The following SYT17 variants were observed in gnomAD, a reference collection of about 807,000 sequenced individuals.
SYT17 encodes synaptotagmin 17, also known as synaptotagmin-17.
In SYT17, 22 loss-of-function variants were observed where a neutral mutation model predicts 46.7. That is an observed-to-expected ratio of 0.47 (90% CI 0.34 to 0.67). SYT17 has a LOEUF of 0.67. SYT17 is among the 30% of genes least tolerant of loss of function. The pLI is 0.01. For synonymous variants in SYT17, 251 were observed against 248.4 expected (o/e 1.01, Z -0.10); for missense variants, 519 against 612.8 (o/e 0.85, Z 1.62).
intron 5 of SYT17, among the ~76,000 whole-genome samples, chr16:19,188,393 T>C (rs148705007): frequency 0.014 from 2,112 of 151,060 alleles, 24 homozygotes; most frequent in Non-Finnish European, 0.02. Context: ...GTACTAGGCT[T>C]AATACCTGGG....
At chr16:19,243,819 CAAAAAAAAAAAAA>C (rs760219447) in intron 7 of SYT17, among the ~76,000 whole-genome samples, 1,112 of 56,958 alleles carry the variant, frequency 0.02, 28 homozygotes, top group African/African-American at 0.071. Flanking sequence ...AAAACTCCAT[CAAAAAAAAAAAAA>C]AAAAAAAAAA....
chr16:19,208,337 A>G (rs978825604), intron 5 of SYT17, among the ~76,000 whole-genome samples: 1 of 152,146 alleles, frequency 6.6e-6, no homozygotes, highest in Non-Finnish European at 1.5e-5. Context: ...ACCACCTGAG[A>G]CTGGGCACTA....
chr16:19,259,621 A>G (rs1388900796), intron 7 of SYT17, among the ~76,000 whole-genome samples: 1 of 152,168 alleles, frequency 6.6e-6, no homozygotes, highest in Non-Finnish European at 1.5e-5. Flanking sequence ...ATAGGTTCTT[A>G]GAGAAAGCCC....
intron 7 of SYT17, among the ~76,000 whole-genome samples, chr16:19,238,309 G>T (rs566430776): frequency 6.6e-6 from 1 of 152,350 alleles, no homozygotes; most frequent in African/African-American, 2.4e-5. Flanking sequence ...GTATAAATGG[G>T]CTCAGTGCAG....
chr16:19,185,116 CCCTT>C (rs775974537), intron 5 of SYT17, among the ~76,000 whole-genome samples: 15 of 152,040 alleles, frequency 9.9e-5, no homozygotes, highest in Non-Finnish European at 1.9e-4. Context: ...CTCCCTCCCT[CCCTT>C]CCTTCCCTGC....
intron 5 of SYT17, among the ~76,000 whole-genome samples, chr16:19,220,050 C>T (rs9927420): frequency 0.029 from 4,342 of 152,152 alleles, 211 homozygotes; most frequent in African/African-American, 0.099. Flanking sequence ...TGAGAAGCAG[C>T]AGGAAACCCC....
intron 7 of SYT17, among the ~76,000 whole-genome samples, chr16:19,264,653 A>C (rs953244131): frequency 1.3e-5 from 2 of 150,190 alleles, no homozygotes; most frequent in African/African-American, 4.9e-5. Flanking sequence ...GAGCCAGTGC[A>C]GTGGCACCAT....
intron 5 of SYT17, among the ~76,000 whole-genome samples, chr16:19,212,201 G>C (rs111926059): frequency 6.6e-6 from 1 of 152,124 alleles, no homozygotes; most frequent in African/African-American, 2.4e-5. Context: ...TTCCTGTAGC[G>C]CACAGGACAG....
intron 5 of SYT17, among the ~76,000 whole-genome samples, chr16:19,209,588 C>T (rs533667703): frequency 2.2e-4 from 33 of 152,096 alleles, no homozygotes; most frequent in Non-Finnish European, 2.8e-4. Context: ...GTCAACATTT[C>T]GGCTGGGCGC....
At chr16:19,178,197 C>T (rs1964393325) in intron 3 of SYT17, among the ~76,000 whole-genome samples, 1 of 152,104 alleles carries the variant, frequency 6.6e-6, no homozygotes, top group South Asian at 2.1e-4. Context: ...ATTCTCTTGC[C>T]TCAGCCTCCC....
chr16:19,265,249 T>C (rs1969282223), intron 7 of SYT17, among the ~76,000 whole-genome samples: 1 of 152,210 alleles, frequency 6.6e-6, no homozygotes, highest in Admixed American at 6.5e-5. Flanking sequence ...TCCATTCCTA[T>C]TATTTCTCTT....
chr16:19,260,503 C>CAAAAAA (rs58392770), intron 7 of SYT17, among the ~76,000 whole-genome samples: 1 of 76,194 alleles, frequency 1.3e-5, no homozygotes, highest in Admixed American at 1.4e-4. Flanking sequence ...GACCTTGTCT[C>CAAAAAA]AAAAAAAAAA....
Position 19,184,148 on chromosome 16 carries a change from G to A in SYT17, c.951+1G>A, listed in dbSNP as rs1168235686. ...GAAGGCGCTGATTCCCAGTTCTCAG[G>A]TAAGGGATGGGTTTGTGGTGTTTCC... is the stretch of plus-strand genomic sequence containing the variant. On this transcript the variant is annotated splice_donor_variant, in intron 5 of 7. Transcript: ENST00000355377. LOFTEE classifies it high-confidence loss of function. The A allele has an allele frequency of 6.2e-7, 1 of 1,612,544 alleles. No homozygotes were observed. The highest frequency in any genetic ancestry group is 8.5e-7 in the Non-Finnish European group (1 of 1,178,658).
intron 5 of SYT17, among the ~76,000 whole-genome samples, chr16:19,201,173 G>A (rs1965444845): frequency 6.6e-6 from 1 of 152,290 alleles, no homozygotes; most frequent in African/African-American, 2.4e-5. Context: ...TTTCTGGGTG[G>A]CACAAAGGTG....
intron 3 of SYT17, among the ~76,000 whole-genome samples, chr16:19,174,205 G>A: frequency 6.6e-6 from 1 of 152,110 alleles, no homozygotes; most frequent in East Asian, 1.9e-4. Context: ...CTCCTCCCGC[G>A]CCTGCATACA....
At chr16:19,224,573 A>G (rs554090557) in intron 6 of SYT17, 110 bp from the exon 7 acceptor site, 3 of 1,213,156 alleles carry the variant, frequency 2.5e-6, no homozygotes, top group African/African-American at 1.5e-5. Flanking sequence ...GGATGGATAG[A>G]AGAATGGAGG....
At position 19,168,349 on chromosome 16, in the gene SYT17, G is replaced by T; in HGVS notation, c.-298G>T. ...CCCCGGCCTTATTCCAGCCTGGGGA[G>T]CGCCTCGGTGGGGAGCACGGGACAG... On this transcript the variant is annotated 5_prime_UTR_variant, in exon 1 of 8. Coordinates refer to ENST00000355377, the MANE Select transcript of SYT17 (RefSeq NM_016524.4). The surrounding 1 kb of genome is among the most constrained non-coding windows in gnomAD (Gnocchi z 6.9). The T allele has an allele frequency of 2.1e-6, 1 of 478,586 alleles. No individual in the cohort carries two copies. The highest frequency in any genetic ancestry group is 4.0e-5 in the East Asian group (1 of 24,716). 29.6% of individuals were successfully genotyped at this position (478,586 alleles called of 1,614,324 possible).
In SYT17 at chr16:19,252,358, C is replaced by CATATATATATACATATATATACAT. The variant is rs1210219941; in HGVS notation, c.1229-14488_1229-14465dup. Among the ~76,000 whole-genome samples, 12 of 57,942 alleles carry CATATATATATACATATATATACAT rather than the reference C, an allele frequency of 2.1e-4. 3 individuals are homozygous for CATATATATATACATATATATACAT. Among genetic ancestry groups the CATATATATATACATATATATACAT allele is most frequent in the Non-Finnish European group, 2.4e-4 (9 of 36,884 alleles). The allele number at this position is 57,942 out of a possible 152,430, so 38.0% of individuals were successfully genotyped here. On this transcript the variant is annotated intron_variant, in intron 7 of 7. Transcript: ENST00000355377. ...CTGCAGTGCGGTGCTGCCATATACA[C>CATATATATATACATATATATACAT]ATATATATATACATATATATACATA...
chr16:19,238,698 G>A (rs1044056213), intron 7 of SYT17, among the ~76,000 whole-genome samples: 4 of 152,290 alleles, frequency 2.6e-5, no homozygotes, highest in South Asian at 2.1e-4. Flanking sequence ...GGAGAGCATC[G>A]GGGAGCTGAG....
Sources: gnomAD v4.1 joint callset for allele counts (sites outside exome capture counted in the v4.1 genomes callset) on GRCh38, gnomAD v4.1.1 for gene constraint, Gnocchi (gnomAD v3.1) non-coding constraint, MANE v1.5 for transcripts, NCBI Gene and HGNC (gene_info 2026-07-23, HGNC 2026-07-21) for gene names.